The following DLG2 variants were observed in gnomAD, a reference collection of about 807,000 sequenced individuals.
DLG2 encodes the protein disks large homolog 2.
A neutral mutation model predicts 132.5 loss-of-function variants in DLG2; 45 were observed. The ratio of observed to expected loss-of-function variants is 0.34; its 90% CI spans 0.27 to 0.44. The LOEUF (loss-of-function observed/expected upper bound fraction) is 0.44. Among genes scored for constraint, DLG2 ranks in the 20% least tolerant of loss-of-function variants. The probability of loss-of-function intolerance (pLI) is 1.00; values close to 1 mark genes in which losing one functional copy is unlikely to be tolerated. For synonymous variants in DLG2, 424 were observed against 419.6 expected, an observed-to-expected ratio of 1.01 and a Z score of -0.13; for missense variants, 1,045 against 1,196.9, an observed-to-expected ratio of 0.87 and a Z score of 1.87.
At chr11:84,019,206 T>G (rs1217634012) in intron 11 of DLG2, among the ~76,000 whole-genome samples, 5 of 152,126 alleles carry the variant, frequency 3.3e-5, no homozygotes, top group Non-Finnish European at 7.4e-5. Flanking sequence ...CCGTTCAGTA[T>G]TCTCTATGTG....
At chr11:84,857,891 CT>C (rs958832905) in intron 6 of DLG2, among the ~76,000 whole-genome samples, 153 of 145,784 alleles carry the variant, frequency 1.0e-3, no homozygotes, top group East Asian at 8.0e-3. Flanking sequence ...TAGCCACTAA[CT>C]TTTTTTTTTT....
chr11:84,402,559 A>G (rs952047575), intron 7 of DLG2, among the ~76,000 whole-genome samples: 3 of 152,094 alleles, frequency 2.0e-5, no homozygotes, highest in African/African-American at 7.2e-5. Flanking sequence ...GTCAAAAAAA[A>G]AAAATGTAAA....
chr11:84,003,672 C>A (rs1197466735), intron 11 of DLG2, among the ~76,000 whole-genome samples: 1 of 152,090 alleles, frequency 6.6e-6, no homozygotes, highest in African/African-American at 2.4e-5. Context: ...GATTCAGTTA[C>A]CTCCACCTGG....
At chr11:84,701,259 T>G (rs1456580164) in intron 6 of DLG2, among the ~76,000 whole-genome samples, 1 of 151,658 alleles carries the variant, frequency 6.6e-6, no homozygotes, top group Non-Finnish European at 1.5e-5. Context: ...TTCTGTTTCA[T>G]GTCTACCTGA....
At chr11:83,998,892 C>T (rs2094188453) in intron 11 of DLG2, among the ~76,000 whole-genome samples, 1 of 152,150 alleles carries the variant, frequency 6.6e-6, no homozygotes, top group African/African-American at 2.4e-5. Flanking sequence ...TGGGCTACTT[C>T]AGCCAGGGCT....
At chr11:84,304,698 C>A (rs1220671428) in intron 7 of DLG2, among the ~76,000 whole-genome samples, 1 of 152,164 alleles carries the variant, frequency 6.6e-6, no homozygotes, top group Admixed American at 6.5e-5. Flanking sequence ...ATTGGAATTA[C>A]TCATGATTTT....
At chr11:83,566,712 G>GGTGT (rs59829516) in intron 19 of DLG2, among the ~76,000 whole-genome samples, 12,041 of 143,890 alleles carry the variant, frequency 0.084, 585 homozygotes, top group Non-Finnish European at 0.11. Flanking sequence ...CAGAGGGCAT[G>GGTGT]GTGTGTGTGT....
chr11:85,316,310 A>G (rs1274015610), intron 3 of DLG2, among the ~76,000 whole-genome samples: 2 of 152,040 alleles, frequency 1.3e-5, no homozygotes, highest in Non-Finnish European at 2.9e-5. Flanking sequence ...ATAAACTAGA[A>G]AGACATATTT....
intron 3 of DLG2, among the ~76,000 whole-genome samples, chr11:85,499,179 TA>T (rs1009861733): frequency 6.7e-6 from 1 of 149,680 alleles, no homozygotes; most frequent in African/African-American, 2.5e-5. Context: ...TTTTAAAAGA[TA>T]AACAAAATAG....
In DLG2 at chr11:84,609,264, T is replaced by C. The variant is rs115333206; in HGVS notation, c.358-74533A>G. Reference sequence around the variant, plus strand: ...GTGCTTCGGTTTTCTTATCTATATATTGGGTGCAATAATAGACCCTATCTC... The same window carrying C: ...GTGCTTCGGTTTTCTTATCTATATACTGGGTGCAATAATAGACCCTATCTC... On this transcript the variant is annotated intron_variant, in intron 6 of 27. Transcript: ENST00000376104. Among the ~76,000 whole-genome samples the C allele has an allele frequency of 3.2e-3, 486 of 152,262 alleles. 2 individuals carry two copies. The highest frequency in any genetic ancestry group is 0.011 in the African/African-American group (448 of 41,578).
At chr11:83,931,643 A>AAAT (rs1399848500) in intron 14 of DLG2, among the ~76,000 whole-genome samples, 1 of 152,236 alleles carries the variant, frequency 6.6e-6, no homozygotes, top group Admixed American at 6.5e-5. Flanking sequence ...AAATTACAAT[A>AAAT]AATTCAAGCC....
intron 3 of DLG2, among the ~76,000 whole-genome samples, chr11:85,524,120 G>A (rs1486547943): frequency 6.6e-6 from 1 of 152,028 alleles, no homozygotes; most frequent in Non-Finnish European, 1.5e-5. Flanking sequence ...ATTAAAGTAG[G>A]GATGATTAAT....
chr11:84,152,410 G>C (rs182203066), intron 9 of DLG2, among the ~76,000 whole-genome samples: 8 of 147,234 alleles, frequency 5.4e-5, no homozygotes, highest in Admixed American at 3.4e-4. Context: ...TTTTTCAGAC[G>C]GAGTCTTGCA....
chr11:84,420,556 C>A (rs1315102920), intron 7 of DLG2, among the ~76,000 whole-genome samples: 1 of 148,726 alleles, frequency 6.7e-6, no homozygotes, highest in African/African-American at 2.5e-5. Context: ...AAAAATGTAT[C>A]ACGAGGGTGC....
At chr11:84,107,300 T>C (rs1414486860) in intron 9 of DLG2, among the ~76,000 whole-genome samples, 1 of 152,078 alleles carries the variant, frequency 6.6e-6, no homozygotes, top group East Asian at 1.9e-4. Context: ...AACAGTATTG[T>C]ATAAGTTTAT....
rs183876524 is a variant in DLG2 at position 85,421,156 on chromosome 11, T to C, written c.41-135791A>G. The stretch of plus-strand genomic sequence containing the variant: ...TGAAGACCACGGGAAAAGCATAGTA[T>C]CGGAGCCGGAGTGTACCATTCCTCA... On this transcript the variant is annotated intron_variant, in intron 3 of 27. Coordinates refer to ENST00000376104, the MANE Select transcript of DLG2 (RefSeq NM_001142699.3). 5.3e-3 allele frequency among the ~76,000 whole-genome samples: 804 copies of C among 152,216 alleles called. 3 individuals carry two copies. Among genetic ancestry groups the C allele is most frequent in the Non-Finnish European group, 8.0e-3 (542 of 68,026 alleles).
rs1565750340 is a variant in DLG2 at position 84,714,615 on chromosome 11, CTT to C, written c.358-179886_358-179885del. ...TCTCTTTCTTTCTCTTTCTCTTTCT[CTT>C]TCTCTTTCTCTCTCTCTCTCTCTCT... is the stretch of plus-strand genomic sequence containing the variant. On this transcript the variant is annotated intron_variant, in intron 6 of 27. Transcript: ENST00000376104. 2.7e-3 allele frequency among the ~76,000 whole-genome samples: 291 copies of C among 108,824 alleles called. 5 individuals carry two copies. Among genetic ancestry groups the C allele is most frequent in the African/African-American group, 5.9e-3 (152 of 25,722 alleles). 71.4% of individuals were successfully genotyped at this position (108,824 alleles called of 152,430 possible).
chr11:84,201,703 T>A (rs1036326766), intron 8 of DLG2, among the ~76,000 whole-genome samples: 2 of 151,754 alleles, frequency 1.3e-5, no homozygotes, highest in African/African-American at 4.8e-5. Flanking sequence ...TGTCCAAGAA[T>A]GTATCAATTT....
intron 6 of DLG2, among the ~76,000 whole-genome samples, chr11:85,047,816 C>T (rs1399907550): frequency 2.6e-5 from 4 of 151,696 alleles, no homozygotes; most frequent in Non-Finnish European, 1.5e-5. Context: ...AGGACATATC[C>T]TAAATACAGT....
Sources: gnomAD v4.1 joint callset for allele counts (sites outside exome capture counted in the v4.1 genomes callset) on GRCh38, gnomAD v4.1.1 for gene constraint, MANE v1.5 for transcripts, NCBI Gene and HGNC (gene_info 2026-07-23, HGNC 2026-07-21) for gene names.